Variants in DRC11 observed in about 807,000 individuals in gnomAD.
DRC11 encodes dynein regulatory complex subunit 11, also known as IQ and AAA domain-containing protein 1.
chr2:236,430,516 G>C, the DRC11 span, among the ~76,000 whole-genome samples: 1 of 152,130 alleles, frequency 6.6e-6, no homozygotes, highest in Non-Finnish European at 1.5e-5. The surrounding 1 kb of genome is among the most constrained non-coding windows in gnomAD (Gnocchi z 6.0). Flanking sequence ...GGTACATACA[G>C]AACTTCACGG....
At chr2:236,446,400 G>T in the DRC11 span, among the ~76,000 whole-genome samples, 928 of 152,286 alleles carry the variant, frequency 6.1e-3, 10 homozygotes, top group African/African-American at 0.021. This position sits in a 1 kb window ranked among gnomAD's most constrained non-coding sequence, Gnocchi z 6.2. Flanking sequence ...GCAGGTGACA[G>T]CCCATCTGGG....
chr2:236,444,473 G>C, the DRC11 span, among the ~76,000 whole-genome samples: 1 of 152,152 alleles, frequency 6.6e-6, no homozygotes, highest in African/African-American at 2.4e-5. Context: ...TGGATTCCCT[G>C]AACAGATCTT....
chr2:236,467,225 A>T, the DRC11 span, among the ~76,000 whole-genome samples: 2 of 152,098 alleles, frequency 1.3e-5, no homozygotes, highest in Non-Finnish European at 2.9e-5. Flanking sequence ...CAACTCTTCA[A>T]GTTTTCTTTC....
chr2:236,497,419 T>C, the DRC11 span: 1 of 1,613,762 alleles, frequency 6.2e-7, no homozygotes, highest in African/African-American at 1.3e-5. This position sits in a 1 kb window ranked among gnomAD's most constrained non-coding sequence, Gnocchi z 5.1. Context: ...TTCAATCATC[T>C]TCTGAGGCTC....
the DRC11 span, among the ~76,000 whole-genome samples, chr2:236,373,489 G>A: frequency 6.6e-6 from 1 of 152,028 alleles, no homozygotes; most frequent in Non-Finnish European, 1.5e-5. Flanking sequence ...GACCTCCAAT[G>A]ATCCGCCCAC....
At chr2:236,376,666 A>T in the DRC11 span, among the ~76,000 whole-genome samples, 1 of 152,188 alleles carries the variant, frequency 6.6e-6, no homozygotes, top group African/African-American at 2.4e-5. This position sits in a 1 kb window ranked among gnomAD's most constrained non-coding sequence, Gnocchi z 5.7. Context: ...TCCCCACCTC[A>T]TTCCTCCCCA....
the DRC11 span, among the ~76,000 whole-genome samples, chr2:236,307,628 G>A: frequency 2.6e-5 from 4 of 152,124 alleles, no homozygotes; most frequent in South Asian, 6.2e-4. This position sits in a 1 kb window ranked among gnomAD's most constrained non-coding sequence, Gnocchi z 7.0. Flanking sequence ...GATGGCGGGG[G>A]TGTCCTCTAG....
At chr2:236,335,929 T>TTTC in the DRC11 span, among the ~76,000 whole-genome samples, 135 of 152,240 alleles carry the variant, frequency 8.9e-4, no homozygotes, top group African/African-American at 3.0e-3. This position sits in a 1 kb window ranked among gnomAD's most constrained non-coding sequence, Gnocchi z 5.6. Context: ...TTCATCCATG[T>TTTC]TTCTCATTCT....
the DRC11 span, among the ~76,000 whole-genome samples, chr2:236,334,995 AGCTTGGTCT>A: frequency 6.6e-6 from 1 of 151,792 alleles, no homozygotes; most frequent in Non-Finnish European, 1.5e-5. This position sits in a 1 kb window ranked among gnomAD's most constrained non-coding sequence, Gnocchi z 7.8. Flanking sequence ...TTGCAGAGAC[AGCTTGGTCT>A]GGGGGAAAGA....
chr2:236,386,356 T>G, the DRC11 span, among the ~76,000 whole-genome samples: 2 of 152,152 alleles, frequency 1.3e-5, no homozygotes, highest in African/African-American at 4.8e-5. Flanking sequence ...TATTGGTCTA[T>G]TCAGAGATTC....
At chr2:236,319,917 G>C in the DRC11 span, among the ~76,000 whole-genome samples, 1 of 152,176 alleles carries the variant, frequency 6.6e-6, no homozygotes, top group Non-Finnish European at 1.5e-5. This position sits in a 1 kb window ranked among gnomAD's most constrained non-coding sequence, Gnocchi z 6.7. Flanking sequence ...TTCATCGCAT[G>C]GATCTGGCCT....
At chr2:236,324,650 A>C in the DRC11 span, 2 of 1,163,142 alleles carry the variant, frequency 1.7e-6, no homozygotes, top group Non-Finnish European at 2.5e-6. This position sits in a 1 kb window ranked among gnomAD's most constrained non-coding sequence, Gnocchi z 5.7. Flanking sequence ...TTCTTCAGAA[A>C]GGCATTACTT....
chr2:236,343,844 G>T, the DRC11 span: 1 of 886,198 alleles, frequency 1.1e-6, no homozygotes, highest in Non-Finnish European at 1.6e-6. The surrounding 1 kb of genome is among the most constrained non-coding windows in gnomAD (Gnocchi z 6.6). Flanking sequence ...CTCATTTGGG[G>T]AAGAAAAGAT....
At chr2:236,361,418 T>C in the DRC11 span, among the ~76,000 whole-genome samples, 2 of 151,982 alleles carry the variant, frequency 1.3e-5, no homozygotes, top group African/African-American at 2.4e-5. This position sits in a 1 kb window ranked among gnomAD's most constrained non-coding sequence, Gnocchi z 5.7. Context: ...TATAAAAGAG[T>C]ATATTTCTTC....
At chr2:236,397,136 C>T in the DRC11 span, among the ~76,000 whole-genome samples, 1 of 152,214 alleles carries the variant, frequency 6.6e-6, no homozygotes, top group Admixed American at 6.5e-5. The surrounding 1 kb of genome is among the most constrained non-coding windows in gnomAD (Gnocchi z 5.0). Flanking sequence ...GTGTAGCGAT[C>T]TGGTTTCGTG....
At chr2:236,485,644 G>T in the DRC11 span, among the ~76,000 whole-genome samples, 1 of 152,210 alleles carries the variant, frequency 6.6e-6, no homozygotes, top group Non-Finnish European at 1.5e-5. Context: ...GGCTTCAGGG[G>T]GTTTGAGAGC....
chr2:236,439,879 C>T, the DRC11 span, among the ~76,000 whole-genome samples: 1 of 152,070 alleles, frequency 6.6e-6, no homozygotes, highest in Non-Finnish European at 1.5e-5. Context: ...ACTATGTTCT[C>T]ATGGCTGTAA....
chr2:236,338,295 G>T, the DRC11 span: 2 of 1,613,854 alleles, frequency 1.2e-6, no homozygotes, highest in African/African-American at 1.3e-5. Context: ...AAGGGACGCC[G>T]TGTGGTCCCC....
chr2:236,431,540 T>C, the DRC11 span, among the ~76,000 whole-genome samples: 52 of 152,328 alleles, frequency 3.4e-4, 1 homozygote, highest in South Asian at 8.5e-3. The surrounding 1 kb of genome is among the most constrained non-coding windows in gnomAD (Gnocchi z 4.2). Flanking sequence ...ACATGGGAAC[T>C]GGTATTCAAG....
Sources: allele counts gnomAD v4.1 joint callset (sites outside exome capture counted in the v4.1 genomes callset), GRCh38; gene constraint gnomAD v4.1.1; non-coding constraint Gnocchi (gnomAD v3.1); transcripts MANE v1.5; gene names NCBI Gene and HGNC (gene_info 2026-07-23, HGNC 2026-07-21).